Variants in RAPGEF2 observed in about 807,000 individuals in gnomAD.
RAPGEF2 encodes PDZ domain containing guanine nucleotide exchange factor (GEF) 1.
RAPGEF2 carries 54 observed loss-of-function variants against 186.7 expected under a neutral mutation model. The observed-to-expected ratio is 0.29, with a 90% confidence interval of 0.23 to 0.36. The LOEUF is 0.36. Ranked by LOEUF, RAPGEF2 falls within the 10% of genes least tolerant of loss-of-function variation. The probability of loss-of-function intolerance (pLI) is 1.00; values close to 1 mark genes in which losing one functional copy is unlikely to be tolerated. For synonymous variants in RAPGEF2, 712 were observed against 705.9 expected, an observed-to-expected ratio of 1.01 and a Z score of -0.14; for missense variants, 1,532 against 2,045.0, an observed-to-expected ratio of 0.75 and a Z score of 4.84.
chr4:159,221,621 C>A (rs575286127), intron 4 of RAPGEF2, among the ~76,000 whole-genome samples: 1 of 152,220 alleles, frequency 6.6e-6, no homozygotes, highest in Non-Finnish European at 1.5e-5. Flanking sequence ...AGGGAACCCA[C>A]GGTCTCTGTT....
intron 2 of RAPGEF2, 117 bp downstream of exon 2, chr4:159,186,829 G>A (rs979806208): frequency 1.4e-5 from 8 of 556,480 alleles, no homozygotes; most frequent in Non-Finnish European, 2.1e-5. Flanking sequence ...GTACATATTC[G>A]TGGGGTACAT....
chr4:159,337,386 T>C (rs1767574496), intron 17 of RAPGEF2, among the ~76,000 whole-genome samples: 1 of 152,234 alleles, frequency 6.6e-6, no homozygotes, highest in Admixed American at 6.5e-5. Flanking sequence ...CCTGTTTTCA[T>C]TTTACCCAAT....
intron 4 of RAPGEF2, among the ~76,000 whole-genome samples, chr4:159,214,878 G>A (rs1034952557): frequency 4.5e-4 from 69 of 152,226 alleles, no homozygotes; most frequent in African/African-American, 1.6e-3. Context: ...TTGTGGGGAG[G>A]GAGTTGTGGA....
At position 159,358,368 on chromosome 4, in the gene RAPGEF2, T is replaced by C; in HGVS notation, c.*229T>C. 2 of 532,318 alleles carry C rather than the reference T, an allele frequency of 3.8e-6. No individual in the cohort carries two copies. Among genetic ancestry groups the C allele is most frequent in the East Asian group, 6.0e-5 (2 of 33,456 alleles). 33.0% of individuals were successfully genotyped at this position (532,318 alleles called of 1,614,324 possible). On this transcript the variant is annotated 3_prime_UTR_variant, in exon 30 of 30. Coordinates refer to ENST00000691494, the MANE Select transcript of RAPGEF2 (RefSeq NM_001394067.2). ...ACTTTTCAGACTTTGTTGCTTGAAA[T>C]GCACAGTGCAGCAATCTTCGAGCTC...
intron 1 of RAPGEF2, among the ~76,000 whole-genome samples, chr4:159,121,187 G>C (rs1188549392): frequency 6.6e-6 from 1 of 152,070 alleles, no homozygotes; most frequent in African/African-American, 2.4e-5. Flanking sequence ...TTTTAGCACA[G>C]AATTGGAGCT....
chr4:159,183,362 T>C (rs1017247260), intron 1 of RAPGEF2, among the ~76,000 whole-genome samples: 3 of 152,238 alleles, frequency 2.0e-5, no homozygotes, highest in South Asian at 2.1e-4. Context: ...ACAACTGATA[T>C]GCACATGTGA....
chr4:159,352,740 T>A lies in RAPGEF2; in HGVS notation c.3921T>A (p.Ser1307Arg), dbSNP rs745789094. Residue 1307 changes from serine to arginine, a missense_variant, in exon 27 of 30, where the codon AGT becomes AGA. By Grantham distance (110) the Ser-to-Arg change is moderately radical (BLOSUM62 -1). Transcript: ENST00000691494. The stretch of plus-strand genomic sequence containing the variant: ...ATAATTTTTCAGATTCTGGTCACAG[T>A]GAAATTTCTTCACGATCCAGTATTG... ...TVDNFSDSGH[S>R]EISSRSSIVS... The A allele has an allele frequency of 2.5e-6, 4 of 1,614,082 alleles. No individual in the cohort carries two copies. The East Asian group carries it at 8.9e-5, about 36-fold the overall frequency.
intron 7 of RAPGEF2, among the ~76,000 whole-genome samples, chr4:159,302,075 T>C (rs942387090): frequency 6.6e-6 from 1 of 152,192 alleles, no homozygotes; most frequent in Non-Finnish European, 1.5e-5. Context: ...CTTTTGACAG[T>C]CTTTATGGTT....
intron 1 of RAPGEF2, among the ~76,000 whole-genome samples, chr4:159,170,201 G>A (rs558082583): frequency 3.3e-5 from 5 of 151,660 alleles, no homozygotes; most frequent in African/African-American, 9.7e-5. Context: ...GCTATTTGTA[G>A]TCTTTTGAGA....
intron 8 of RAPGEF2, among the ~76,000 whole-genome samples, chr4:159,307,367 A>T (rs1443074546): frequency 1.3e-5 from 2 of 152,196 alleles, no homozygotes; most frequent in East Asian, 3.8e-4. Context: ...CTAGTTATAT[A>T]CTTTTCTCAG....
Position 159,300,397 on chromosome 4 carries a change from G to T in RAPGEF2, c.544-3945G>T, listed in dbSNP as rs138164548. The stretch of plus-strand genomic sequence containing the variant: ...TGTTTTTTAGGACTATAGGTTGCTT[G>T]CTCCAGGAACAAAAAATTGAGCAGT... On this transcript the variant is annotated intron_variant, in intron 7 of 29. Transcript: ENST00000691494. Among the ~76,000 whole-genome samples, 18 of 151,692 alleles carry T rather than the reference G, an allele frequency of 1.2e-4. 1 individual carries two copies. Among genetic ancestry groups the T allele is most frequent in the Admixed American group, 1.2e-3 (18 of 15,218 alleles).
intron 1 of RAPGEF2, among the ~76,000 whole-genome samples, chr4:159,144,879 G>GTTTTTTTTTTTTTTTTTTTTTTTT (rs137978885): frequency 1.1e-5 from 1 of 92,338 alleles, no homozygotes; most frequent in Non-Finnish European, 2.0e-5. Context: ...CTTTCTTCCT[G>GTTTTTTTTTTTTTTTTTTTTTTTT]TTTTTTTTTT....
intron 7 of RAPGEF2, among the ~76,000 whole-genome samples, chr4:159,261,135 C>T (rs1011887936): frequency 6.6e-6 from 1 of 151,122 alleles, no homozygotes; most frequent in African/African-American, 2.4e-5. Flanking sequence ...AATCTTGGCT[C>T]ACTGCAAGCT....
intron 1 of RAPGEF2, among the ~76,000 whole-genome samples, chr4:159,153,002 G>C (rs1040302104): frequency 7.2e-5 from 11 of 152,186 alleles, no homozygotes; most frequent in African/African-American, 2.7e-4. Context: ...CTTATATCTA[G>C]TTAGTAAGTG....
chr4:159,301,143 C>T (rs1044125169), intron 7 of RAPGEF2, among the ~76,000 whole-genome samples: 6 of 152,046 alleles, frequency 3.9e-5, no homozygotes, highest in African/African-American at 9.7e-5. Flanking sequence ...GAGGCCAAGG[C>T]GGGTGGATCA....
chr4:159,313,734 T>C (rs1432260802), intron 8 of RAPGEF2, among the ~76,000 whole-genome samples: 1 of 152,110 alleles, frequency 6.6e-6, no homozygotes, highest in African/African-American at 2.4e-5. Context: ...GTAGTTAATA[T>C]TTAATTGAAT....
intron 1 of RAPGEF2, among the ~76,000 whole-genome samples, chr4:159,171,353 G>A (rs925600198): frequency 6.6e-5 from 10 of 152,120 alleles, no homozygotes; most frequent in Admixed American, 2.6e-4. Context: ...CTGATGATTC[G>A]CTTAGAAAAT....
intron 1 of RAPGEF2, among the ~76,000 whole-genome samples, chr4:159,140,838 T>A (rs1188173688): frequency 2.1e-5 from 3 of 144,598 alleles, no homozygotes; most frequent in East Asian, 3.9e-4. Context: ...AAAAAAAAAA[T>A]TTTTTTTTTT....
chr4:159,307,585 G>A (rs1414129687), intron 8 of RAPGEF2, among the ~76,000 whole-genome samples: 1 of 152,164 alleles, frequency 6.6e-6, no homozygotes, highest in African/African-American at 2.4e-5. Flanking sequence ...TCTATAGTGA[G>A]AATACAGCTT....
Sources: allele counts gnomAD v4.1 joint callset (sites outside exome capture counted in the v4.1 genomes callset), GRCh38; gene constraint gnomAD v4.1.1; transcripts MANE v1.5; gene names NCBI Gene and HGNC (gene_info 2026-07-23, HGNC 2026-07-21).